Variants in FHOD3 observed in about 807,000 individuals in gnomAD.
The protein encoded by FHOD3 is formin homology 2 domain containing 3.
In FHOD3, 90 loss-of-function variants were observed where a neutral mutation model predicts 173.0. The observed-to-expected ratio is 0.52, with a 90% CI of 0.44 to 0.62. The LOEUF (loss-of-function observed/expected upper bound fraction) is 0.62, where lower values mean the gene tolerates loss of function less well. Among genes scored for constraint, FHOD3 ranks in the 20% least tolerant of loss-of-function variants. The probability of loss-of-function intolerance (pLI) is 0.00; values close to 1 mark genes in which losing one functional copy is unlikely to be tolerated. For missense variants in FHOD3, 1,945 were observed against 2,034.7 expected (o/e 0.96, Z 0.85); for synonymous variants, 828 against 823.0 (o/e 1.01, Z -0.10).
intron 22 of FHOD3, among the ~76,000 whole-genome samples, chr18:36,743,125 C>T (rs1235569619): frequency 9.9e-5 from 15 of 151,796 alleles, no homozygotes; most frequent in South Asian, 2.1e-4. Flanking sequence ...CTGGCTAACA[C>T]GGTGAAACCC....
intron 11 of FHOD3, 90 bp downstream of exon 11, chr18:36,649,495 T>G: frequency 4.3e-6 from 4 of 935,418 alleles, no homozygotes; most frequent in Non-Finnish European, 4.8e-6. Flanking sequence ...GCCACCTCCC[T>G]TCCTCATTGA....
At chr18:36,670,644 G>C (rs145162378) in intron 14 of FHOD3, among the ~76,000 whole-genome samples, 1 of 152,036 alleles carries the variant, frequency 6.6e-6, no homozygotes, top group African/African-American at 2.4e-5. Context: ...TCTATCATCT[G>C]TGTCATTTCT....
chr18:36,609,922 T>G (rs537606740), intron 8 of FHOD3, among the ~76,000 whole-genome samples: 41 of 152,294 alleles, frequency 2.7e-4, no homozygotes, highest in Admixed American at 1.5e-3. Context: ...CCTGCTTACT[T>G]CTATAGTTCT....
intron 5 of FHOD3, among the ~76,000 whole-genome samples, chr18:36,534,730 G>C (rs115860970): frequency 0.01 from 1,567 of 152,306 alleles, 30 homozygotes; most frequent in African/African-American, 0.036. Flanking sequence ...GACTGAATCT[G>C]TTCTGCTTAG....
chr18:36,390,739 G>A (rs1224088701), intron 3 of FHOD3, among the ~76,000 whole-genome samples: 1 of 152,148 alleles, frequency 6.6e-6, no homozygotes, highest in Non-Finnish European at 1.5e-5. Context: ...AGTGACTGAT[G>A]TAACAGACCC....
chr18:36,433,931 C>T (rs961746525), intron 3 of FHOD3, among the ~76,000 whole-genome samples: 4 of 152,186 alleles, frequency 2.6e-5, no homozygotes, highest in African/African-American at 9.7e-5. Flanking sequence ...TCTACCACTA[C>T]CACAATCGAG....
intron 15 of FHOD3, among the ~76,000 whole-genome samples, chr18:36,686,215 A>G (rs1358236898): frequency 2.0e-5 from 3 of 152,140 alleles, no homozygotes; most frequent in Non-Finnish European, 4.4e-5. Context: ...ATGCCCATCA[A>G]TTGATAGACT....
At chr18:36,581,242 G>A (rs1190213363) in intron 6 of FHOD3, among the ~76,000 whole-genome samples, 1 of 152,250 alleles carries the variant, frequency 6.6e-6, no homozygotes, top group Non-Finnish European at 1.5e-5. Flanking sequence ...ACTTATCACA[G>A]GATGTGGATT....
At chr18:36,698,551 C>T (rs1435791422) in intron 17 of FHOD3, among the ~76,000 whole-genome samples, 1 of 152,108 alleles carries the variant, frequency 6.6e-6, no homozygotes, top group Admixed American at 6.5e-5. Flanking sequence ...GGTCTCGCCA[C>T]AGCACTACAG....
intron 2 of FHOD3, among the ~76,000 whole-genome samples, chr18:36,367,300 G>C (rs2046946800): frequency 6.6e-6 from 1 of 152,142 alleles, no homozygotes; most frequent in Non-Finnish European, 1.5e-5. Flanking sequence ...TTGGCACTTG[G>C]GTAGCCTTGG....
intron 2 of FHOD3, among the ~76,000 whole-genome samples, chr18:36,358,040 A>G (rs531455247): frequency 2.6e-5 from 4 of 152,334 alleles, no homozygotes; most frequent in South Asian, 4.1e-4. Flanking sequence ...TTTAATAATT[A>G]ATTATCATAC....
intron 4 of FHOD3, among the ~76,000 whole-genome samples, chr18:36,505,803 A>G (rs2055269441): frequency 6.6e-6 from 1 of 152,192 alleles, no homozygotes; most frequent in Non-Finnish European, 1.5e-5. Context: ...CACTGACTAG[A>G]GCTGATGAGA....
At chr18:36,774,588 T>C (rs539765794) in intron 28 of FHOD3, among the ~76,000 whole-genome samples, 2 of 152,322 alleles carry the variant, frequency 1.3e-5, no homozygotes, top group East Asian at 3.9e-4. Context: ...GTCCAAGAAA[T>C]TGAATTTCAG....
intron 17 of FHOD3, among the ~76,000 whole-genome samples, chr18:36,705,124 G>T (rs560322583): frequency 2.6e-5 from 4 of 152,242 alleles, no homozygotes; most frequent in Non-Finnish European, 2.9e-5. Context: ...GTGGAGACAG[G>T]GCTCACCTCA....
chr18:36,773,796 C>T (rs1013019730), intron 28 of FHOD3, among the ~76,000 whole-genome samples: 2 of 152,222 alleles, frequency 1.3e-5, no homozygotes, highest in Admixed American at 6.5e-5. Flanking sequence ...CTGTCCACTT[C>T]ACTCTGGCCT....
At chr18:36,513,937 T>C (rs1343489007) in intron 5 of FHOD3, among the ~76,000 whole-genome samples, 2 of 152,038 alleles carry the variant, frequency 1.3e-5, no homozygotes, top group Non-Finnish European at 2.9e-5. Flanking sequence ...TTTCAGTCTT[T>C]TTCTGGTCTT....
chr18:36,537,552 T>C (rs961750294), intron 5 of FHOD3, among the ~76,000 whole-genome samples: 5 of 152,114 alleles, frequency 3.3e-5, no homozygotes, highest in Non-Finnish European at 7.3e-5. Context: ...AAGTAGGCAC[T>C]GAGGGCCTTC....
intron 1 of FHOD3, among the ~76,000 whole-genome samples, chr18:36,310,571 CA>C (rs1279050089): frequency 1.3e-5 from 2 of 151,510 alleles, no homozygotes; most frequent in African/African-American, 4.8e-5. Flanking sequence ...CCCGTAATTC[CA>C]ATTACTCAGG....
chr18:36,613,388 C>A (rs1207587433), intron 9 of FHOD3, among the ~76,000 whole-genome samples: 6 of 152,160 alleles, frequency 3.9e-5, no homozygotes, highest in Admixed American at 2.0e-4. Context: ...AGGTCAAATG[C>A]CCTCACGGTA....
Sources: gnomAD v4.1 joint callset for allele counts (sites outside exome capture counted in the v4.1 genomes callset) on GRCh38, gnomAD v4.1.1 for gene constraint, MANE v1.5 for transcripts, NCBI Gene and HGNC (gene_info 2026-07-23, HGNC 2026-07-21) for gene names.